The following ASTN2 variants were observed in gnomAD, a reference collection of about 807,000 sequenced individuals.
ASTN2 encodes the protein astrotactin-2.
A neutral mutation model predicts 139.8 loss-of-function variants in ASTN2; 54 were observed. The observed-to-expected ratio is 0.39, with a 90% CI of 0.31 to 0.48. The LOEUF is 0.48. Ranked by LOEUF, ASTN2 falls within the 20% of genes least tolerant of loss-of-function variation. ASTN2 has a pLI of 0.95. For synonymous variants in ASTN2, 756 were observed against 719.5 expected (o/e 1.05, Z -0.81); for missense variants, 1,565 against 1,725.1 (o/e 0.91, Z 1.64).
intron 4 of ASTN2, among the ~76,000 whole-genome samples, chr9:117,121,660 C>T (rs1829561416): frequency 6.6e-6 from 1 of 152,142 alleles, no homozygotes. Flanking sequence ...TTGTATTAGT[C>T]CATTCTCACT....
At chr9:117,078,505 A>G (rs1828338774) in intron 5 of ASTN2, among the ~76,000 whole-genome samples, 1 of 152,250 alleles carries the variant, frequency 6.6e-6, no homozygotes, top group Non-Finnish European at 1.5e-5. Flanking sequence ...ATGTTATTAG[A>G]AGCACCGAAT....
chr9:117,130,460 C>G (rs567877358), intron 4 of ASTN2, among the ~76,000 whole-genome samples: 1 of 152,256 alleles, frequency 6.6e-6, no homozygotes, highest in East Asian at 1.9e-4. Context: ...TATCCCACCC[C>G]ACCTGACCCC....
intron 2 of ASTN2, among the ~76,000 whole-genome samples, chr9:117,261,319 G>A (rs1833816700): frequency 6.6e-6 from 1 of 152,178 alleles, no homozygotes; most frequent in Non-Finnish European, 1.5e-5. Flanking sequence ...GAAGTAGGAT[G>A]ACCATGTGCT....
rs35679249 is a variant in ASTN2 at position 117,336,057 on chromosome 9, GAAAAAAAAA to G, written c.443-44553_443-44545del. Among the ~76,000 whole-genome samples the G allele has an allele frequency of 5.7e-5, 6 of 104,926 alleles. No individual in the cohort carries two copies. The Middle Eastern group carries it at 0.017, about 302-fold the overall frequency. The allele number at this position is 104,926 out of a possible 152,430, so 68.8% of individuals were successfully genotyped here. A position where few individuals can be genotyped will look rare whatever the true frequency, so the allele number is the denominator to read the frequency against. On this transcript the variant is annotated intron_variant, in intron 1 of 22. Transcript: ENST00000313400. ...TTAAGGAGACAGGAGGTCTGGAAAG[GAAAAAAAAA>G]AAAAAAAAAAGGACCACCAGGCATA...
intron 17 of ASTN2, among the ~76,000 whole-genome samples, chr9:116,635,858 G>C (rs191318573): frequency 3.3e-4 from 50 of 152,306 alleles, no homozygotes; most frequent in Admixed American, 1.7e-3. Context: ...TGAGTTTTGA[G>C]ACAAAAACTT....
intron 1 of ASTN2, among the ~76,000 whole-genome samples, chr9:117,335,779 A>G (rs1269683447): frequency 6.6e-6 from 1 of 151,596 alleles, no homozygotes; most frequent in Non-Finnish European, 1.5e-5. Flanking sequence ...TCAGAGCAAG[A>G]AGAAAAAAAA....
At chr9:117,015,484 G>A (rs1405643170) in intron 6 of ASTN2, among the ~76,000 whole-genome samples, 3 of 152,114 alleles carry the variant, frequency 2.0e-5, no homozygotes, top group Non-Finnish European at 4.4e-5. Context: ...GTGAAGCACA[G>A]TTCTATCAAT....
At chr9:116,787,025 G>A (rs564302369) in intron 13 of ASTN2, among the ~76,000 whole-genome samples, 1 of 152,310 alleles carries the variant, frequency 6.6e-6, no homozygotes, top group South Asian at 2.1e-4. Flanking sequence ...ATGACTGTAA[G>A]TTTCTTAAGG....
rs1861086454 is a variant in ASTN2 at position 116,699,853 on chromosome 9, G to A, written c.2806+25918C>T. On this transcript the variant is annotated intron_variant, in intron 16 of 22. Transcript: ENST00000313400. The surrounding 1 kb of genome is among the most constrained non-coding windows in gnomAD (Gnocchi z 4.2). ...AACTTCAGAAGCTCCATCTTTTAAT[G>A]TTTTTATTTGTTATGTCCCCCTCCC... 1.9e-6 allele frequency: 2 copies of A among 1,071,268 alleles called. No individual in the cohort carries two copies. Among genetic ancestry groups the A allele is most frequent in the African/African-American group, 1.6e-5 (1 of 62,472 alleles). 66.4% of individuals were successfully genotyped at this position (1,071,268 alleles called of 1,614,324 possible).
intron 1 of ASTN2, among the ~76,000 whole-genome samples, chr9:117,300,539 G>A (rs1182065893): frequency 1.3e-5 from 2 of 152,182 alleles, no homozygotes; most frequent in Non-Finnish European, 2.9e-5. Flanking sequence ...CAAGATAGGA[G>A]GTACAGCTTG....
intron 19 of ASTN2, among the ~76,000 whole-genome samples, chr9:116,565,505 G>T (rs9969759): frequency 0.15 from 22,227 of 144,978 alleles, 1,973 homozygotes; most frequent in African/African-American, 0.2. Context: ...TCGGCTCACT[G>T]CAACCTCCAG....
chr9:116,883,249 TG>T (rs1345262879), intron 10 of ASTN2, among the ~76,000 whole-genome samples: 1 of 152,214 alleles, frequency 6.6e-6, no homozygotes, highest in East Asian at 1.9e-4. Context: ...GGAAAAAGTT[TG>T]TTATAATATT....
chr9:116,555,742 C>CA (rs919185083), intron 19 of ASTN2, among the ~76,000 whole-genome samples: 2 of 151,810 alleles, frequency 1.3e-5, no homozygotes, highest in Non-Finnish European at 2.9e-5. Context: ...AACAAACAAA[C>CA]AAAAAAAACC....
At chr9:116,443,216 G>A (rs1847891068) in intron 20 of ASTN2, among the ~76,000 whole-genome samples, 1 of 152,176 alleles carries the variant, frequency 6.6e-6, no homozygotes, top group Non-Finnish European at 1.5e-5. Flanking sequence ...TAGTGAGGAA[G>A]AACCAGTTTA....
At chr9:117,279,612 G>A (rs1254873728) in intron 2 of ASTN2, among the ~76,000 whole-genome samples, 2 of 152,106 alleles carry the variant, frequency 1.3e-5, no homozygotes, top group Admixed American at 6.5e-5. Context: ...TCTTGTTTTG[G>A]GTTTTAGCCT....
intron 11 of ASTN2, among the ~76,000 whole-genome samples, chr9:116,846,371 A>G (rs940197978): frequency 3.9e-5 from 6 of 152,362 alleles, no homozygotes; most frequent in Admixed American, 3.9e-4. Flanking sequence ...CAATTAAAAC[A>G]ATTTTAAAAA....
At chr9:116,483,613 G>A (rs1002903833) in intron 20 of ASTN2, among the ~76,000 whole-genome samples, 2 of 152,146 alleles carry the variant, frequency 1.3e-5, no homozygotes, top group Non-Finnish European at 2.9e-5. Context: ...ACAAAGACAG[G>A]AAGTCATATA....
chr9:117,181,409 C>G (rs1182681227), intron 3 of ASTN2, among the ~76,000 whole-genome samples: 1 of 152,220 alleles, frequency 6.6e-6, no homozygotes, highest in African/African-American at 2.4e-5. Context: ...TTACTCAACT[C>G]TCTTACACAC....
intron 5 of ASTN2, among the ~76,000 whole-genome samples, chr9:117,075,198 G>A (rs1828246577): frequency 6.6e-6 from 1 of 152,166 alleles, no homozygotes; most frequent in Non-Finnish European, 1.5e-5. Context: ...GGTGGACATG[G>A]TCCATTTGTA....
Sources: gnomAD v4.1 joint callset for allele counts (sites outside exome capture counted in the v4.1 genomes callset) on GRCh38, gnomAD v4.1.1 for gene constraint, Gnocchi (gnomAD v3.1) non-coding constraint, MANE v1.5 for transcripts, NCBI Gene and HGNC (gene_info 2026-07-23, HGNC 2026-07-21) for gene names.